Variants in ARNT observed in about 807,000 individuals in gnomAD.
The protein encoded by ARNT is class E basic helix-loop-helix protein 2.
A neutral mutation model predicts 105.0 loss-of-function variants in ARNT; 30 were observed. The ratio of observed to expected loss-of-function variants is 0.29; its 90% confidence interval spans 0.21 to 0.39. The LOEUF (loss-of-function observed/expected upper bound fraction) is 0.39. Ranked by LOEUF, ARNT falls within the 10% of genes least tolerant of loss-of-function variation. The pLI is 1.00. For missense variants in ARNT, 748 were observed against 978.7 expected (o/e 0.76, Z 3.15); for synonymous variants, 304 against 344.0 (o/e 0.88, Z 1.29).
rs587636685 is a variant in ARNT at position 150,866,660 on chromosome 1, A to C, written c.26-8200T>G. Reference sequence around the variant, plus strand: ...ATATATGGATGTATAGTTTTGATTTAAATAACTTTTATATATGTATGTATA... The same window carrying C: ...ATATATGGATGTATAGTTTTGATTTCAATAACTTTTATATATGTATGTATA... On this transcript the variant is annotated intron_variant, in intron 1 of 21. Transcript: ENST00000358595. 2.0e-5 allele frequency among the ~76,000 whole-genome samples: 3 copies of C among 152,208 alleles called. No homozygotes were observed. The South Asian group carries it at 6.2e-4, about 32-fold the overall frequency.
chr1:150,822,145 G>A (rs2101692275), intron 14 of ARNT, among the ~76,000 whole-genome samples: 1 of 151,310 alleles, frequency 6.6e-6, no homozygotes, highest in Non-Finnish European at 1.5e-5. Context: ...GCTTATTTTT[G>A]GGTTTTTCAA....
intron 11 of ARNT, 164 bp from the exon 12 acceptor site, chr1:150,829,391 G>C (rs1658904545): frequency 3.0e-6 from 2 of 671,680 alleles, no homozygotes; most frequent in Non-Finnish European, 5.0e-6. Context: ...ATCACAATCA[G>C]ACAAGGCATA....
intron 5 of ARNT, among the ~76,000 whole-genome samples, chr1:150,840,211 AG>A (rs1661028537): frequency 6.6e-6 from 1 of 152,126 alleles, no homozygotes; most frequent in Non-Finnish European, 1.5e-5. Context: ...ACTGCACTTC[AG>A]CCTGGGTGGC....
Position 150,848,702 on chromosome 1 carries a change from T to C in ARNT, c.183-2395A>G, listed in dbSNP as rs376550800. Among the ~76,000 whole-genome samples, 18 of 152,010 alleles carry C rather than the reference T, an allele frequency of 1.2e-4. 1 individual carries two copies. In the East Asian group the frequency reaches 1.9e-3, roughly 16 times the overall value. ...CACCAGCACTTCCAGCTAATTTTTG[T>C]AACATTTTTTGTACAGATGGAGTTT... is the stretch of plus-strand genomic sequence containing the variant. On this transcript the variant is annotated intron_variant, in intron 3 of 21. Coordinates refer to ENST00000358595, the MANE Select transcript of ARNT (RefSeq NM_001668.4).
chr1:150,832,444 T>C, intron 8 of ARNT, 45 bp from the exon 9 acceptor site: 4 of 1,584,364 alleles, frequency 2.5e-6, no homozygotes, highest in Non-Finnish European at 3.5e-6. Flanking sequence ...GACTGCCCTA[T>C]CAAAGAACTT....
At position 150,846,293 on chromosome 1, in the gene ARNT, T is replaced by C. The variant is rs1205325539; in HGVS notation, c.197A>G (p.Gln66Arg). 7 of 1,613,852 alleles carry C rather than the reference T, an allele frequency of 4.3e-6. No individual in the cohort carries two copies. The highest frequency in any genetic ancestry group is 5.9e-6 in the Non-Finnish European group (7 of 1,179,786). The change falls in exon 4 of 22, where the codon CAG becomes CGG. Residue 66 changes from glutamine to arginine, a missense_variant. Coordinates refer to ENST00000358595, the MANE Select transcript of ARNT (RefSeq NM_001668.4). ...AAACCGCTCCTTATCGTTAGACATC[T>C]GATCATCATCACACCTGAAGGAGAG... ...NSKFLRCDDD[Q>R]MSNDKERFAR...
At chr1:150,866,696 T>C (rs1485957635) in intron 1 of ARNT, among the ~76,000 whole-genome samples, 2 of 150,084 alleles carry the variant, frequency 1.3e-5, no homozygotes, top group Non-Finnish European at 2.9e-5. Context: ...CACACATACA[T>C]ATACACACAC....
intron 4 of ARNT, among the ~76,000 whole-genome samples, chr1:150,844,111 A>C (rs1320633344): frequency 2.0e-5 from 3 of 152,254 alleles, no homozygotes; most frequent in Non-Finnish European, 4.4e-5. Context: ...TTTTCAATGA[A>C]GCTTGAAAAA....
At position 150,858,359 on chromosome 1, in the gene ARNT, G is replaced by A. The variant is rs1386729618; in HGVS notation, c.127C>T (p.Arg43Trp). The change falls in exon 2 of 22, where the codon CGG becomes TGG. Residue 43 changes from arginine (R) to tryptophan (W), a missense_variant. Arg to Trp is a moderately radical substitution (Grantham distance 101). Transcript: ENST00000358595. ...GGAIVQRAIK[R>W]RPGLDFDDDG... Reference sequence around the variant, plus strand: ...TACACTCAAACTCACCCTGGTCGCCGCTTAATAGCCCTCTGGACAATGGCT... The same window carrying A: ...TACACTCAAACTCACCCTGGTCGCCACTTAATAGCCCTCTGGACAATGGCT... 6 of 1,606,026 alleles carry A rather than the reference G, an allele frequency of 3.7e-6. No homozygotes were observed. The Middle Eastern group carries it at 5.0e-4, about 133-fold the overall frequency.
At chr1:150,839,687 T>G (rs781720729) in intron 5 of ARNT, 33 bp from the exon 6 acceptor site, 1 of 1,580,228 alleles carries the variant, frequency 6.3e-7, no homozygotes, top group Non-Finnish European at 8.6e-7. Context: ...CCCATCCAGG[T>G]GGTCACATCT....
At chr1:150,840,709 G>T (rs377671724) in intron 5 of ARNT, among the ~76,000 whole-genome samples, 3 of 152,136 alleles carry the variant, frequency 2.0e-5, no homozygotes, top group East Asian at 3.8e-4. Flanking sequence ...TTAAAGGTCT[G>T]ACAAGACAAT....
chr1:150,862,595 G>T (rs1413806408), intron 1 of ARNT, among the ~76,000 whole-genome samples: 5 of 150,720 alleles, frequency 3.3e-5, no homozygotes, highest in East Asian at 3.9e-4. Flanking sequence ...AAAGTTCAGG[G>T]CCAAGTGCAG....
chr1:150,840,492 T>A (rs1241324564), intron 5 of ARNT, among the ~76,000 whole-genome samples: 2 of 152,248 alleles, frequency 1.3e-5, no homozygotes, highest in Admixed American at 1.3e-4. Context: ...GCCTCTCTCT[T>A]ATTTGCAACA....
intron 1 of ARNT, among the ~76,000 whole-genome samples, chr1:150,866,577 C>A (rs901488474): frequency 5.9e-5 from 9 of 152,012 alleles, no homozygotes. Flanking sequence ...GCAGAGGACT[C>A]CCTTATAATT....
chr1:150,861,315 G>A, intron 1 of ARNT: 2 of 408,428 alleles, frequency 4.9e-6, no homozygotes, highest in South Asian at 1.8e-5. Context: ...GGGAAACACA[G>A]CAAGACAACA....
At chr1:150,855,675 G>C (rs1055139149) in intron 2 of ARNT, among the ~76,000 whole-genome samples, 15 of 151,990 alleles carry the variant, frequency 9.9e-5, no homozygotes, top group African/African-American at 3.4e-4. Flanking sequence ...GTCGAGATGG[G>C]AGGGCTGCTT....
chr1:150,837,640 T>C (rs1660558077), intron 6 of ARNT, among the ~76,000 whole-genome samples: 1 of 152,190 alleles, frequency 6.6e-6, no homozygotes, highest in Non-Finnish European at 1.5e-5. Context: ...CCAAAGTTCA[T>C]CTTAAGCCCT....
chr1:150,823,491 G>T, intron 13 of ARNT, 146 bp from the exon 14 acceptor site: 3 of 626,830 alleles, frequency 4.8e-6, no homozygotes, highest in South Asian at 3.1e-5. Flanking sequence ...CAAAATGAGA[G>T]TAAAAACTAA....
chr1:150,828,936 T>G (rs762248309), intron 12 of ARNT, among the ~76,000 whole-genome samples, 157 bp downstream of exon 12: 1 of 152,230 alleles, frequency 6.6e-6, no homozygotes, highest in Admixed American at 6.5e-5. Context: ...ACAGTCCTAA[T>G]AGGAAGCTGA....
Sources: allele counts gnomAD v4.1 joint callset (sites outside exome capture counted in the v4.1 genomes callset), GRCh38; gene constraint gnomAD v4.1.1; transcripts MANE v1.5; gene names NCBI Gene and HGNC (gene_info 2026-07-23, HGNC 2026-07-21).